IFT56: variants seen among roughly 807,000 people sequenced by gnomAD.
The protein encoded by IFT56 is intraflagellar transport 56, also known as intraflagellar transport protein 56.
chr7:139,188,520 T>C, the IFT56 span, among the ~76,000 whole-genome samples: 2 of 152,224 alleles, frequency 1.3e-5, no homozygotes, highest in Non-Finnish European at 2.9e-5. Flanking sequence ...TGTAAGAAAA[T>C]AATCTATCAA....
chr7:139,157,769 A>G, the IFT56 span, among the ~76,000 whole-genome samples: 37,702 of 151,894 alleles, frequency 0.25, 8,449 homozygotes, highest in African/African-American at 0.57. Context: ...GCTTCCCAAA[A>G]CAGTGAGATT....
the IFT56 span, chr7:139,168,438 A>G: frequency 1.2e-5 from 18 of 1,496,694 alleles, 2 homozygotes; most frequent in South Asian, 1.7e-4. Flanking sequence ...TTGCAAAGTT[A>G]TAAGTGTATG....
chr7:139,154,113 G>T, the IFT56 span, among the ~76,000 whole-genome samples: 2 of 152,082 alleles, frequency 1.3e-5, no homozygotes, highest in Non-Finnish European at 2.9e-5. Context: ...TCATGTGCTT[G>T]TTGGCCATTT....
At chr7:139,166,796 T>C in the IFT56 span, 2 of 1,177,358 alleles carry the variant, frequency 1.7e-6, no homozygotes, top group African/African-American at 1.5e-5. Flanking sequence ...TTCAGGAGGG[T>C]TTTCTGGAAT....
the IFT56 span, among the ~76,000 whole-genome samples, chr7:139,154,150 T>G: frequency 3.0e-3 from 462 of 152,276 alleles, 2 homozygotes; most frequent in Middle Eastern, 6.8e-3. Flanking sequence ...GAAATGTCTA[T>G]TTAAGTTCTT....
the IFT56 span, among the ~76,000 whole-genome samples, chr7:139,176,360 A>T: frequency 2.6e-5 from 4 of 151,884 alleles, no homozygotes; most frequent in African/African-American, 7.3e-5. Context: ...CACAAAAATT[A>T]AAAAAAATAA....
At chr7:139,150,745 A>G in the IFT56 span, among the ~76,000 whole-genome samples, 12 of 152,324 alleles carry the variant, frequency 7.9e-5, no homozygotes, top group East Asian at 2.3e-3. Flanking sequence ...CACCAATAGC[A>G]TCCTGCTTTT....
chr7:139,157,347 A>G, the IFT56 span, among the ~76,000 whole-genome samples: 2 of 151,430 alleles, frequency 1.3e-5, no homozygotes, highest in African/African-American at 4.8e-5. Context: ...GGGTTTTACC[A>G]TGTTAGCCAG....
the IFT56 span, among the ~76,000 whole-genome samples, chr7:139,177,589 G>C: frequency 2.0e-5 from 3 of 147,136 alleles, no homozygotes; most frequent in Non-Finnish European, 4.4e-5. Context: ...ATGTATATCT[G>C]ATCGGATATA....
At chr7:139,168,473 G>C in the IFT56 span, 1 of 1,114,174 alleles carries the variant, frequency 9.0e-7, no homozygotes, top group Non-Finnish European at 1.4e-6. Context: ...GACTATCAAA[G>C]TGCAAGCAGC....
At chr7:139,133,958 C>G in the IFT56 span, 21 of 1,442,718 alleles carry the variant, frequency 1.5e-5, no homozygotes, top group Admixed American at 3.4e-5. Context: ...TAGGTGTGTC[C>G]GCAGAGAGTA....
At chr7:139,189,849 C>T in the IFT56 span, 1 of 152,908 alleles carries the variant, frequency 6.5e-6, no homozygotes, top group Non-Finnish European at 1.5e-5. Context: ...TGTACGTTAT[C>T]CCATTTTATT....
chr7:139,136,656 CAG>C, the IFT56 span, among the ~76,000 whole-genome samples: 3 of 151,738 alleles, frequency 2.0e-5, no homozygotes, highest in African/African-American at 4.8e-5. Flanking sequence ...TGTGTGGAGA[CAG>C]GGGTCTCACC....
the IFT56 span, among the ~76,000 whole-genome samples, chr7:139,176,777 T>C: frequency 1.3e-5 from 2 of 152,204 alleles, no homozygotes; most frequent in African/African-American, 2.4e-5. Flanking sequence ...CATTCATTCA[T>C]TCACACAATA....
At chr7:139,179,044 T>G in the IFT56 span, among the ~76,000 whole-genome samples, 13 of 152,222 alleles carry the variant, frequency 8.5e-5, no homozygotes, top group Admixed American at 2.6e-4. Flanking sequence ...ATCAGTATGT[T>G]TCTTATTTGA....
chr7:139,187,100 C>CAAAA, the IFT56 span, among the ~76,000 whole-genome samples: 302 of 51,584 alleles, frequency 5.9e-3, 13 homozygotes, highest in African/African-American at 0.018. Flanking sequence ...GACTCCGTCT[C>CAAAA]AAAAAAAAAA....
chr7:139,152,798 GTCACAGCTT>G, the IFT56 span, among the ~76,000 whole-genome samples: 1 of 152,086 alleles, frequency 6.6e-6, no homozygotes, highest in South Asian at 2.1e-4. Flanking sequence ...TTTTAGTATA[GTCACAGCTT>G]AAGTGCAACC....
the IFT56 span, chr7:139,168,566 A>AT: frequency 1.8e-6 from 1 of 557,822 alleles, no homozygotes; most frequent in Non-Finnish European, 3.2e-6. Flanking sequence ...TGTTATTTAG[A>AT]GACAAAAAAA....
chr7:139,183,132 A>G, the IFT56 span, among the ~76,000 whole-genome samples: 1 of 152,142 alleles, frequency 6.6e-6, no homozygotes. Context: ...TTGAACAGTA[A>G]GATTAAAGAT....
Sources: allele counts gnomAD v4.1 joint callset (sites outside exome capture counted in the v4.1 genomes callset), GRCh38; gene constraint gnomAD v4.1.1; transcripts MANE v1.5; gene names NCBI Gene and HGNC (gene_info 2026-07-23, HGNC 2026-07-21).